Variants in DPP10 observed in about 807,000 individuals in gnomAD.
DPP10 encodes the protein dipeptidyl peptidase like 10.
Under a neutral mutation model 120.9 loss-of-function variants are expected in DPP10, and 33 were observed. That is an observed-to-expected ratio of 0.27 (90% confidence interval 0.21 to 0.37). The LOEUF is 0.37. Among genes scored for constraint, DPP10 ranks in the 10% least tolerant of loss-of-function variants. DPP10 has a pLI of 1.00. For synonymous variants in DPP10, 337 were observed against 326.1 expected, an observed-to-expected ratio of 1.03 and a Z score of -0.36; for missense variants, 816 against 942.8, an observed-to-expected ratio of 0.87 and a Z score of 1.76.
At chr2:114,775,131 G>A (rs1400424418) in intron 1 of DPP10, among the ~76,000 whole-genome samples, 1 of 152,078 alleles carries the variant, frequency 6.6e-6, no homozygotes, top group Non-Finnish European at 1.5e-5. Flanking sequence ...GGGTAGAGAT[G>A]CAATTAGAAG....
At chr2:115,506,341 A>T (rs2076940922) in intron 4 of DPP10, among the ~76,000 whole-genome samples, 1 of 152,172 alleles carries the variant, frequency 6.6e-6, no homozygotes, top group African/African-American at 2.4e-5. Context: ...ACAGCTCATT[A>T]TAGAGCTAGA....
At chr2:115,534,959 G>C (rs999587285) in intron 5 of DPP10, among the ~76,000 whole-genome samples, 19 of 150,594 alleles carry the variant, frequency 1.3e-4, no homozygotes, top group African/African-American at 3.2e-4. Flanking sequence ...TGATGGGGTT[G>C]TTTGTTTTTT....
chr2:115,620,192 G>A (rs564432560), intron 5 of DPP10, among the ~76,000 whole-genome samples: 7 of 152,294 alleles, frequency 4.6e-5, no homozygotes, highest in African/African-American at 1.7e-4. Context: ...ATCACTCACT[G>A]TGTGCTGAAC....
chr2:115,777,497 A>G (rs1487340074), intron 14 of DPP10, among the ~76,000 whole-genome samples, 198 bp downstream of exon 14: 1 of 152,112 alleles, frequency 6.6e-6, no homozygotes, highest in Non-Finnish European at 1.5e-5. Flanking sequence ...GCACACGCAC[A>G]CACACACACA....
Position 115,689,751 on chromosome 2 carries a change from G to C in DPP10, c.494+12G>C. On this transcript the variant is annotated intron_variant, in intron 6 of 25. Transcript: ENST00000410059. ...AACATACACACTAGGTAAGTTCTTTGATTTTCTAGTTTTCATGAGCAATTG... is the reference window on the plus strand; with the variant it reads ...AACATACACACTAGGTAAGTTCTTTCATTTTCTAGTTTTCATGAGCAATTG... 1 of 1,604,808 alleles carries C rather than the reference G, an allele frequency of 6.2e-7. No individual in the cohort carries two copies.
intron 3 of DPP10, among the ~76,000 whole-genome samples, chr2:115,432,129 G>GT (rs1021195158): frequency 3.9e-5 from 6 of 151,966 alleles, no homozygotes; most frequent in Admixed American, 1.3e-4. Flanking sequence ...GTTAACATTT[G>GT]TTTTCCTTTT....
At chr2:115,259,436 A>T (rs987246100) in intron 1 of DPP10, among the ~76,000 whole-genome samples, 1 of 151,776 alleles carries the variant, frequency 6.6e-6, no homozygotes, top group African/African-American at 2.4e-5. Context: ...GTGAGCCGAG[A>T]TCGCACCATT....
At chr2:115,268,595 A>T (rs1413449984) in intron 1 of DPP10, among the ~76,000 whole-genome samples, 2 of 152,234 alleles carry the variant, frequency 1.3e-5, no homozygotes, top group Non-Finnish European at 2.9e-5. Flanking sequence ...AAAGATCCTA[A>T]TACTGTGTTC....
At chr2:114,851,628 A>G (rs960942293) in intron 1 of DPP10, among the ~76,000 whole-genome samples, 1 of 152,224 alleles carries the variant, frequency 6.6e-6, no homozygotes, top group African/African-American at 2.4e-5. Context: ...GCATTCTAGT[A>G]TAAATTTCTT....
chr2:115,401,103 C>A (rs992491176), intron 3 of DPP10, among the ~76,000 whole-genome samples: 1 of 152,196 alleles, frequency 6.6e-6, no homozygotes, highest in Non-Finnish European at 1.5e-5. Flanking sequence ...TCTCGCATAT[C>A]ACTGGCTATT....
At chr2:114,570,472 T>A (rs893693571) in intron 1 of DPP10, among the ~76,000 whole-genome samples, 2 of 152,034 alleles carry the variant, frequency 1.3e-5, no homozygotes, top group African/African-American at 4.8e-5. Flanking sequence ...AGGTAGGAGC[T>A]TTGGCAATGT....
chr2:114,646,967 C>T (rs1475024359), intron 1 of DPP10, among the ~76,000 whole-genome samples: 2 of 152,202 alleles, frequency 1.3e-5, no homozygotes, highest in African/African-American at 4.8e-5. Flanking sequence ...AGAGGAGGGC[C>T]TTGACTAAAG....
Position 114,870,691 on chromosome 2 carries a change from T to TA in DPP10, c.60+427861dup, listed in dbSNP as rs145036624. ...AAAGAGGATGAGTTTCTGTTTTTAC[T>TA]AAAAAAAATGATTCCAATGGTCAGG... On this transcript the variant is annotated intron_variant, in intron 1 of 25. Coordinates refer to ENST00000410059, the MANE Select transcript of DPP10 (RefSeq NM_020868.6). 1.0e-4 allele frequency among the ~76,000 whole-genome samples: 14 copies of TA among 135,228 alleles called. 1 individual carries two copies. Among genetic ancestry groups the TA allele is most frequent in the Non-Finnish European group, 1.8e-4 (11 of 61,738 alleles). 88.7% of individuals were successfully genotyped at this position (135,228 alleles called of 152,430 possible).
At chr2:115,227,168 A>C (rs1329489512) in intron 1 of DPP10, among the ~76,000 whole-genome samples, 15 of 152,180 alleles carry the variant, frequency 9.9e-5, no homozygotes, top group Non-Finnish European at 2.9e-5. Context: ...ATTGTTGCTT[A>C]GTCTTATTCA....
chr2:115,729,470 A>G (rs1270895305), intron 8 of DPP10, among the ~76,000 whole-genome samples: 6 of 152,192 alleles, frequency 3.9e-5, no homozygotes, highest in Non-Finnish European at 8.8e-5. Flanking sequence ...CATTTTTTCT[A>G]AAGGAGAAAC....
chr2:115,052,138 G>A (rs1251951909), intron 1 of DPP10, among the ~76,000 whole-genome samples: 1 of 152,048 alleles, frequency 6.6e-6, no homozygotes, highest in East Asian at 1.9e-4. Flanking sequence ...GAAAAACAAG[G>A]AGTTTGGGCC....
intron 1 of DPP10, among the ~76,000 whole-genome samples, chr2:114,487,473 T>G (rs1223278342): frequency 6.6e-6 from 1 of 152,188 alleles, no homozygotes; most frequent in African/African-American, 2.4e-5. Context: ...TAAATCTGTT[T>G]AAGCATAAAG....
At position 115,229,689 on chromosome 2, in the gene DPP10, C is replaced by CCTATTCTATTCTATT. The variant is rs58625775; in HGVS notation, c.61-79499_61-79485dup. On this transcript the variant is annotated intron_variant, in intron 1 of 25. Transcript: ENST00000410059. ...ATGTATAAATTTGTTTCTGAGTTCT[C>CCTATTCTATTCTATT]CTATTCTATTCTATTCTATTCTATT... Among the ~76,000 whole-genome samples the CCTATTCTATTCTATT allele has an allele frequency of 5.8e-3, 813 of 139,808 alleles. 2 individuals are homozygous for CCTATTCTATTCTATT. Among genetic ancestry groups the CCTATTCTATTCTATT allele is most frequent in the Non-Finnish European group, 7.4e-3 (478 of 64,528 alleles). The allele number at this position is 139,808 out of a possible 152,430, so 91.7% of individuals were successfully genotyped here.
intron 5 of DPP10, among the ~76,000 whole-genome samples, chr2:115,527,541 C>A (rs1010831058): frequency 6.6e-6 from 1 of 152,034 alleles, no homozygotes; most frequent in Non-Finnish European, 1.5e-5. Context: ...CCATGATAGA[C>A]CCTGTTTTCA....
Sources: gnomAD v4.1 joint callset for allele counts (sites outside exome capture counted in the v4.1 genomes callset) on GRCh38, gnomAD v4.1.1 for gene constraint, MANE v1.5 for transcripts, NCBI Gene and HGNC (gene_info 2026-07-23, HGNC 2026-07-21) for gene names.